Variants in C12orf75 observed in about 807,000 individuals in gnomAD.
The protein encoded by C12orf75 is chromosome 12 open reading frame 75.
A neutral mutation model predicts 11.4 loss-of-function variants in C12orf75; 4 were observed. The ratio of observed to expected loss-of-function variants is 0.35; its 90% CI spans 0.17 to 0.80. C12orf75 has a LOEUF of 0.80. C12orf75 is among the 30% of genes least tolerant of loss of function. The pLI is 0.52. For missense variants in C12orf75, 89 were observed against 80.4 expected (o/e 1.11, Z -0.41); for synonymous variants, 30 against 30.0 (o/e 1.00, Z 0.00).
In C12orf75 at chr12:105,369,505, A is replaced by C. The variant is rs374217724; in HGVS notation, c.*34-1129A>C. On this transcript the variant is annotated intron_variant, in intron 5 of 5. Coordinates refer to ENST00000443585, the MANE Select transcript of C12orf75 (RefSeq NM_001145199.2). ...TGTGCTGAACGTGCAGGCTTGTTACATAGGTAAACATGTGCCATGGTGGTT... is the reference window on the plus strand; with the variant it reads ...TGTGCTGAACGTGCAGGCTTGTTACCTAGGTAAACATGTGCCATGGTGGTT... Among the ~76,000 whole-genome samples the C allele has an allele frequency of 2.0e-5, 3 of 152,004 alleles. No individual in the cohort carries two copies. The East Asian group carries it at 5.8e-4, about 29-fold the overall frequency.
intron 2 of C12orf75, among the ~76,000 whole-genome samples, chr12:105,362,801 A>C (rs1015547464): frequency 1.3e-5 from 2 of 152,186 alleles, no homozygotes; most frequent in African/African-American, 4.8e-5. Context: ...TTCTGGCTCT[A>C]TGATTTAGCT....
chr12:105,348,893 G>A (rs1438041711), intron 2 of C12orf75, among the ~76,000 whole-genome samples: 1 of 150,006 alleles, frequency 6.7e-6, no homozygotes, highest in African/African-American at 2.4e-5. Flanking sequence ...CATCCCAACT[G>A]GTATAGAGAT....
intron 5 of C12orf75, among the ~76,000 whole-genome samples, chr12:105,368,299 G>A (rs1566143862): frequency 6.6e-6 from 1 of 152,138 alleles, no homozygotes; most frequent in Non-Finnish European, 1.5e-5. Context: ...CACTCCTGGT[G>A]AATGACACCC....
intron 2 of C12orf75, among the ~76,000 whole-genome samples, chr12:105,359,865 A>G (rs368122732): frequency 2.7e-4 from 41 of 151,944 alleles, no homozygotes; most frequent in African/African-American, 9.6e-4. Context: ...CGGGAGCAAG[A>G]TTATGTTTAA....
chr12:105,358,015 A>C (rs575400532), intron 2 of C12orf75, among the ~76,000 whole-genome samples: 113 of 151,930 alleles, frequency 7.4e-4, no homozygotes, highest in African/African-American at 2.7e-3. Context: ...TGGCTATTTT[A>C]TTTTGTATTT....
At chr12:105,367,340 C>A in intron 4 of C12orf75, 132 bp from the exon 5 acceptor site, 1 of 383,948 alleles carries the variant, frequency 2.6e-6, no homozygotes, top group African/African-American at 2.1e-5. Flanking sequence ...ATTTGTTCCT[C>A]ATTGTTCTTT....
chr12:105,358,104 G>C (rs1892811315), intron 2 of C12orf75, among the ~76,000 whole-genome samples: 1 of 152,240 alleles, frequency 6.6e-6, no homozygotes, highest in Admixed American at 6.5e-5. Flanking sequence ...TGCCTTGGCT[G>C]CCTGAATTGC....
intron 2 of C12orf75, among the ~76,000 whole-genome samples, chr12:105,357,408 A>G (rs1892797358): frequency 6.6e-6 from 1 of 152,096 alleles, no homozygotes; most frequent in Non-Finnish European, 1.5e-5. Context: ...GTGTCAAGCC[A>G]ACTTTGATAA....
intron 1 of C12orf75, among the ~76,000 whole-genome samples, chr12:105,334,710 C>T (rs1030887569): frequency 6.6e-6 from 1 of 152,240 alleles, no homozygotes; most frequent in South Asian, 2.1e-4. Flanking sequence ...CACTCTCACT[C>T]TTTCTCTGCA....
At chr12:105,362,666 CAAA>C (rs71072606) in intron 2 of C12orf75, among the ~76,000 whole-genome samples, 4 of 105,558 alleles carry the variant, frequency 3.8e-5, no homozygotes, top group Admixed American at 1.9e-4. Context: ...GACTCCGTCT[CAAA>C]AAAAAAAAAA....
intron 2 of C12orf75, among the ~76,000 whole-genome samples, chr12:105,356,668 T>C (rs1892785997): frequency 6.6e-6 from 1 of 152,188 alleles, no homozygotes; most frequent in Admixed American, 6.5e-5. Context: ...ATCTCATATT[T>C]GTCATCTGTA....
chr12:105,359,324 G>A (rs1892827268), intron 2 of C12orf75, among the ~76,000 whole-genome samples: 1 of 152,058 alleles, frequency 6.6e-6, no homozygotes, highest in Non-Finnish European at 1.5e-5. Flanking sequence ...TATCTTCAAG[G>A]TTTCTTCCCC....
At chr12:105,336,371 C>G (rs1006996211) in intron 1 of C12orf75, among the ~76,000 whole-genome samples, 1 of 152,214 alleles carries the variant, frequency 6.6e-6, no homozygotes, top group African/African-American at 2.4e-5. Context: ...CTGAGGCTGT[C>G]TGTTCCTTAG....
At chr12:105,353,988 A>G (rs1177758003) in intron 2 of C12orf75, among the ~76,000 whole-genome samples, 1 of 152,170 alleles carries the variant, frequency 6.6e-6, no homozygotes, top group African/African-American at 2.4e-5. Context: ...GAAATGATAA[A>G]TCTTTTATGT....
intron 2 of C12orf75, chr12:105,353,601 C>T (rs531720727): frequency 6.6e-6 from 1 of 152,138 alleles, no homozygotes; most frequent in African/African-American, 2.4e-5. Flanking sequence ...GTGGGCAAAC[C>T]GAAACAATTG....
At chr12:105,350,567 C>G (rs1424947966) in intron 2 of C12orf75, among the ~76,000 whole-genome samples, 5 of 152,192 alleles carry the variant, frequency 3.3e-5, no homozygotes, top group Non-Finnish European at 7.3e-5. Flanking sequence ...TCCTGGCTCT[C>G]TGAGCTGCAT....
At chr12:105,346,163 AC>A (rs1357690024) in intron 1 of C12orf75, among the ~76,000 whole-genome samples, 1 of 151,148 alleles carries the variant, frequency 6.6e-6, no homozygotes, top group Non-Finnish European at 1.5e-5. Context: ...AACCCCCCAC[AC>A]CCCCACCACT....
chr12:105,362,614 C>A (rs897570319), intron 2 of C12orf75, among the ~76,000 whole-genome samples: 2 of 148,022 alleles, frequency 1.4e-5, no homozygotes, highest in Non-Finnish European at 3.0e-5. Context: ...TTGCAGTGAG[C>A]TGAGATCGCG....
intron 2 of C12orf75, among the ~76,000 whole-genome samples, chr12:105,359,774 A>G (rs898429340): frequency 2.0e-3 from 171 of 87,154 alleles, no homozygotes; most frequent in Non-Finnish European, 3.2e-3. Context: ...CCTTCTCCAG[A>G]AAAAAAAAAA....
Sources: allele counts gnomAD v4.1 joint callset (sites outside exome capture counted in the v4.1 genomes callset), GRCh38; gene constraint gnomAD v4.1.1; transcripts MANE v1.5; gene names NCBI Gene and HGNC (gene_info 2026-07-23, HGNC 2026-07-21).